Variants in SWT1 observed in about 807,000 individuals in gnomAD.
The protein encoded by SWT1 is SWT1 RNA endoribonuclease homolog, also known as transcriptional protein SWT1.
SWT1 carries 33 observed loss-of-function variants against 107.3 expected under a neutral mutation model. That is an observed-to-expected ratio of 0.31 (90% CI 0.23 to 0.41). SWT1 has a LOEUF of 0.41. SWT1 is among the 10% of genes least tolerant of loss of function. SWT1 has a pLI of 1.00. For missense variants in SWT1, 898 were observed against 1,028.9 expected (o/e 0.87, Z 1.74); for synonymous variants, 345 against 348.3 (o/e 0.99, Z 0.11).
chr1:185,214,762 AACATACT>A, intron 14 of SWT1, 107 bp downstream of exon 14: 1 of 922,976 alleles, frequency 1.1e-6, no homozygotes, highest in Non-Finnish European at 1.6e-6. Flanking sequence ...AACTTATTCT[AACATACT>A]AAAGGCGTTA....
At chr1:185,231,455 C>T (rs1660499814) in intron 15 of SWT1, 122 bp from the exon 16 acceptor site, 2 of 741,942 alleles carry the variant, frequency 2.7e-6, no homozygotes, top group South Asian at 1.7e-5. Context: ...TTAAATAGAT[C>T]AGCATTCTGA....
At chr1:185,217,217 A>G (rs1400472311) in intron 14 of SWT1, among the ~76,000 whole-genome samples, 1 of 152,152 alleles carries the variant, frequency 6.6e-6, no homozygotes, top group Non-Finnish European at 1.5e-5. Context: ...TAAACGAAGA[A>G]CTTTATGATT....
intron 16 of SWT1, among the ~76,000 whole-genome samples, chr1:185,235,802 C>T (rs979389385): frequency 1.1e-4 from 16 of 152,136 alleles, no homozygotes; most frequent in Non-Finnish European, 1.8e-4. Flanking sequence ...ATTTAGAAAA[C>T]CCCATCGTCT....
At chr1:185,171,370 A>G (rs1443058269) in intron 4 of SWT1, 9 of 227,492 alleles carry the variant, frequency 4.0e-5, no homozygotes, top group Non-Finnish European at 8.3e-5. Flanking sequence ...TGTTCTGGTT[A>G]ATTTGGAAGT....
At chr1:185,193,054 C>T (rs1657091531) in intron 10 of SWT1, among the ~76,000 whole-genome samples, 1 of 152,124 alleles carries the variant, frequency 6.6e-6, no homozygotes, top group African/African-American at 2.4e-5. Flanking sequence ...AGCACTTCTG[C>T]AGTTGTATCC....
At chr1:185,229,510 A>G (rs1052844218) in intron 15 of SWT1, among the ~76,000 whole-genome samples, 4 of 151,810 alleles carry the variant, frequency 2.6e-5, no homozygotes, top group African/African-American at 7.3e-5. Flanking sequence ...TAAAAATTAT[A>G]ATGGAAGTTT....
intron 16 of SWT1, among the ~76,000 whole-genome samples, chr1:185,250,636 A>G (rs1234265047): frequency 6.6e-6 from 1 of 152,106 alleles, no homozygotes; most frequent in East Asian, 1.9e-4. Flanking sequence ...AACTAAACTC[A>G]TAATTTATTT....
At position 185,184,824 on chromosome 1, in the gene SWT1, G is replaced by A. The variant is rs778215456; in HGVS notation, c.1322G>A (p.Arg441His). Residue 441 changes from arginine to histidine, a missense_variant, in exon 9 of 19, where the codon CGT becomes CAT. Around this residue, in one of 6 missense-constraint regions of SWT1, gnomAD observed 34 missense variants for 50.2 expected, o/e 0.68. Transcript: ENST00000367500. ...ATGAAGGAAGGAAAACTACTAAAAC[G>A]TGCCCAGCACAAAGCTATACCTGCA... ...DRMKEGKLLKRAQHKAIPAVH... is the reference protein window; with the variant it reads ...DRMKEGKLLKHAQHKAIPAVH... 44 of 1,602,732 alleles carry A rather than the reference G, an allele frequency of 2.7e-5. No homozygotes were observed. Among genetic ancestry groups the A allele is most frequent in the Non-Finnish European group, 3.7e-5 (43 of 1,175,550 alleles).
intron 2 of SWT1, among the ~76,000 whole-genome samples, chr1:185,162,419 C>T (rs1212045166): frequency 6.6e-6 from 1 of 152,166 alleles, no homozygotes; most frequent in Non-Finnish European, 1.5e-5. Context: ...GGGAATTCAC[C>T]TAGCTTTAGA....
Position 185,168,402 on chromosome 1 carries a change from A to G in SWT1, c.224+4A>G. The G allele has an allele frequency of 7.3e-7, 1 of 1,376,224 alleles. No individual in the cohort carries two copies. The highest frequency in any genetic ancestry group is 9.7e-7 in the Non-Finnish European group (1 of 1,026,200). The allele number at this position is 1,376,224 out of a possible 1,614,324, so 85.3% of individuals were successfully genotyped here. On this transcript the variant is annotated splice_donor_region_variant and intron_variant, in intron 4 of 18. Transcript: ENST00000367500. ...AAAGAAGACAAGGACTGAAAAGGTA[A>G]ATTTCTCCTTTTTCTTTTTACTGTT...
At chr1:185,275,651 C>A (rs1195886531) in intron 17 of SWT1, among the ~76,000 whole-genome samples, 1 of 151,682 alleles carries the variant, frequency 6.6e-6, no homozygotes, top group Non-Finnish European at 1.5e-5. Context: ...TTCCAAAGTG[C>A]TGGGATTACA....
intron 9 of SWT1, among the ~76,000 whole-genome samples, chr1:185,186,481 T>G (rs1656474209): frequency 6.6e-6 from 1 of 152,176 alleles, no homozygotes; most frequent in African/African-American, 2.4e-5. Flanking sequence ...TATAGCATTA[T>G]TTATGTAACA....
intron 16 of SWT1, among the ~76,000 whole-genome samples, chr1:185,239,504 G>A (rs1661115723): frequency 6.6e-6 from 1 of 152,004 alleles, no homozygotes; most frequent in Non-Finnish European, 1.5e-5. Flanking sequence ...TTAGAAAAGG[G>A]ATGAGGATCT....
At chr1:185,182,889 A>T (rs1160612614) in intron 7 of SWT1, among the ~76,000 whole-genome samples, 2 of 152,136 alleles carry the variant, frequency 1.3e-5, no homozygotes, top group Non-Finnish European at 2.9e-5. Context: ...TAATCCCAGC[A>T]CTTTGGGAGG....
intron 10 of SWT1, among the ~76,000 whole-genome samples, chr1:185,198,321 C>T (rs905208882): frequency 6.6e-6 from 1 of 152,136 alleles, no homozygotes; most frequent in African/African-American, 2.4e-5. Flanking sequence ...TTATGATTTA[C>T]ATTCTTTTGC....
intron 1 of SWT1, among the ~76,000 whole-genome samples, chr1:185,158,540 A>T (rs372580490): frequency 7.7e-5 from 11 of 142,436 alleles, no homozygotes; most frequent in Non-Finnish European, 1.5e-4. Context: ...GTTCATGATG[A>T]TTTTTTATTT....
intron 18 of SWT1, among the ~76,000 whole-genome samples, chr1:185,279,953 G>A (rs1664513153): frequency 6.6e-6 from 1 of 151,974 alleles, no homozygotes; most frequent in East Asian, 1.9e-4. Context: ...CTGTTGATGT[G>A]CCACACCATA....
chr1:185,204,059 A>T (rs183895990), intron 11 of SWT1, among the ~76,000 whole-genome samples: 2 of 152,292 alleles, frequency 1.3e-5, no homozygotes, highest in Admixed American at 1.3e-4. Flanking sequence ...AAGTGATATC[A>T]CTTAAAATAA....
chr1:185,161,775 C>A (rs1056540306), intron 2 of SWT1, among the ~76,000 whole-genome samples: 2 of 152,108 alleles, frequency 1.3e-5, no homozygotes, highest in South Asian at 4.1e-4. Context: ...GGTATTGTCT[C>A]CAGGAAGCAA....
Sources: allele counts gnomAD v4.1 joint callset (sites outside exome capture counted in the v4.1 genomes callset), GRCh38; gene constraint gnomAD v4.1.1; regional missense constraint gnomAD v4.1.1; transcripts MANE v1.5; gene names NCBI Gene and HGNC (gene_info 2026-07-23, HGNC 2026-07-21).